Variants in KIF13B observed in about 807,000 individuals in gnomAD.
KIF13B encodes kinesin-like protein KIF13B.
Under a neutral mutation model 222.0 loss-of-function variants are expected in KIF13B, and 127 were observed. The ratio of observed to expected loss-of-function variants is 0.57; its 90% CI spans 0.50 to 0.66. The LOEUF (loss-of-function observed/expected upper bound fraction) is 0.66, where lower values mean the gene tolerates loss of function less well. Ranked by LOEUF, KIF13B falls within the 30% of genes least tolerant of loss-of-function variation. The pLI, the probability that KIF13B is intolerant of heterozygous loss-of-function variation, is 0.00. For missense variants in KIF13B, 2,173 were observed against 2,379.0 expected, an observed-to-expected ratio of 0.91 and a Z score of 1.80; for synonymous variants, 976 against 919.0, an observed-to-expected ratio of 1.06 and a Z score of -1.12.
chr8:29,185,216 T>C (rs749101646), intron 6 of KIF13B, among the ~76,000 whole-genome samples: 27 of 152,260 alleles, frequency 1.8e-4, no homozygotes, highest in Non-Finnish European at 3.5e-4. Context: ...CCTGAGTAGT[T>C]CTCACCCAAC....
Position 29,116,886 on chromosome 8 carries a change from G to C in KIF13B, c.3782C>G (p.Ala1261Gly). Residue 1261 changes from alanine to glycine, a missense_variant, in exon 31 of 40, where the codon GCT becomes GGT. Ala to Gly is a moderately conservative substitution (Grantham distance 60). Around this residue, in one of 2 missense-constraint regions of KIF13B, gnomAD observed 1,480 missense variants for 1,722.8 expected, o/e 0.86. Transcript: ENST00000524189. ...CTTGCGTAACACCAGTTGCATGTCAGCAGGGTGGCTGAGCTGGACCGTCAC... is the reference window on the plus strand; with the variant it reads ...CTTGCGTAACACCAGTTGCATGTCACCAGGGTGGCTGAGCTGGACCGTCAC... ...VRVTVQLSHP[A>G]DMQLVLRKRI... is the part of the protein sequence containing the mutation. 1.2e-6 allele frequency: 2 copies of C among 1,613,482 alleles called. No individual in the cohort carries two copies. The highest frequency in any genetic ancestry group is 1.7e-6 in the Non-Finnish European group (2 of 1,179,520).
rs748769333 is a variant in KIF13B at position 29,181,912 on chromosome 8, T to C, written c.585+7A>G. 6 of 1,605,160 alleles carry C rather than the reference T, an allele frequency of 3.7e-6. No homozygotes were observed. The highest frequency in any genetic ancestry group is 3.3e-5 in the South Asian group (3 of 90,516). On this transcript the variant is annotated splice_region_variant and intron_variant, in intron 7 of 39. Coordinates refer to ENST00000524189, the MANE Select transcript of KIF13B (RefSeq NM_015254.4). ...ATTTAAATAGTTCACATACAGGATG[T>C]TGTTACCTTGTAGCTTGTGACAGCC...
intron 2 of KIF13B, among the ~76,000 whole-genome samples, chr8:29,210,033 G>T (rs918174633): frequency 6.6e-6 from 1 of 151,728 alleles, no homozygotes. Context: ...TCCAGCTTAG[G>T]CAAGAGAGCC....
chr8:29,244,426 CA>C (rs1815930674), intron 2 of KIF13B, among the ~76,000 whole-genome samples: 1 of 128,428 alleles, frequency 7.8e-6, no homozygotes, highest in South Asian at 2.4e-4. Context: ...AGCCTCATGC[CA>C]AATGTCTTTC....
At position 29,071,210 on chromosome 8, in the gene KIF13B, C is replaced by T. The variant is rs1807255967; in HGVS notation, c.5218+410G>A. ...TATGAAATGGAAACTGGCAAAACTG[C>T]CAAATGAGGGCGAGTCAGAGGCCAG... On this transcript the variant is annotated intron_variant, in intron 39 of 39. Coordinates refer to ENST00000524189, the MANE Select transcript of KIF13B (RefSeq NM_015254.4). The surrounding 1 kb of genome is among the most constrained non-coding windows in gnomAD (Gnocchi z 4.9). Among the ~76,000 whole-genome samples the T allele has an allele frequency of 6.6e-6, 1 of 152,128 alleles. No individual in the cohort carries two copies. Among genetic ancestry groups the T allele is most frequent in the Admixed American group, 6.5e-5 (1 of 15,284 alleles).
chr8:29,133,931 T>C (rs769842050), intron 22 of KIF13B, 109 bp downstream of exon 22: 13 of 1,046,918 alleles, frequency 1.2e-5, no homozygotes, highest in Admixed American at 5.3e-5. Context: ...CTACAGAAAC[T>C]GCTCCAAGAC....
At chr8:29,114,228 G>A (rs1284360954) in intron 31 of KIF13B, among the ~76,000 whole-genome samples, 4 of 152,118 alleles carry the variant, frequency 2.6e-5, no homozygotes, top group African/African-American at 9.7e-5. Context: ...AATGGGCACC[G>A]AGCTTTCACC....
chr8:29,109,553 G>A (rs1563708662), intron 33 of KIF13B, 42 bp from the exon 34 acceptor site: 1 of 1,520,052 alleles, frequency 6.6e-7, no homozygotes, highest in Non-Finnish European at 9.1e-7. Flanking sequence ...ACATGTAAGA[G>A]ACACACTGCA....
chr8:29,144,744 A>T (rs140230711), intron 18 of KIF13B, among the ~76,000 whole-genome samples: 1 of 152,210 alleles, frequency 6.6e-6, no homozygotes, highest in African/African-American at 2.4e-5. Context: ...AAAACTGGAA[A>T]TAAGAAAAAA....
intron 2 of KIF13B, among the ~76,000 whole-genome samples, chr8:29,198,648 G>A (rs1813547615): frequency 1.3e-5 from 2 of 152,266 alleles, no homozygotes; most frequent in South Asian, 4.1e-4. Flanking sequence ...AACTTTAAAA[G>A]TAGATCAACC....
At chr8:29,235,382 G>A (rs1203365139) in intron 2 of KIF13B, among the ~76,000 whole-genome samples, 1 of 152,216 alleles carries the variant, frequency 6.6e-6, no homozygotes, top group Non-Finnish European at 1.5e-5. Context: ...ACAGAGTGGG[G>A]TGGAAGAAGA....
At chr8:29,181,396 C>A (rs971181982) in intron 7 of KIF13B, among the ~76,000 whole-genome samples, 1 of 152,208 alleles carries the variant, frequency 6.6e-6, no homozygotes, top group Non-Finnish European at 1.5e-5. Flanking sequence ...TTTTCAGACA[C>A]TGAGAATATA....
intron 37 of KIF13B, among the ~76,000 whole-genome samples, chr8:29,081,586 AAAG>A (rs1359305522): frequency 2.7e-4 from 41 of 152,350 alleles, no homozygotes; most frequent in African/African-American, 9.1e-4. Context: ...CTTTGTACAG[AAAG>A]AAGGATGGGA....
In KIF13B at chr8:29,124,017, T is replaced by C; in HGVS notation, c.3352+7A>G. The C allele has an allele frequency of 6.4e-7, 1 of 1,567,692 alleles. No homozygotes were observed. The highest frequency in any genetic ancestry group is 8.8e-7 in the Non-Finnish European group (1 of 1,139,906). On this transcript the variant is annotated splice_region_variant and intron_variant, in intron 27 of 39. Transcript: ENST00000524189. ...GGGGAGAAAAATATTCTATTTGTTT[T>C]TCCTACCACGTTTACTGACAAGCTT...
rs149213669 is a variant in KIF13B, at chr8:29,249,850, T to C, written c.56-4411A>G. 540 of 349,070 alleles carry C rather than the reference T, an allele frequency of 1.5e-3. 1 individual carries two copies. The highest frequency in any genetic ancestry group is 0.011 in the African/African-American group (514 of 46,990). 21.6% of individuals were successfully genotyped at this position (349,070 alleles called of 1,614,324 possible). A position where few individuals can be genotyped will look rare whatever the true frequency, so the allele number is the denominator to read the frequency against. The stretch of plus-strand genomic sequence containing the variant: ...GAAACACAAACCCAAAAAAGGCAAA[T>C]CTGTTCTACCATGGTCAACTGGCAT... On this transcript the variant is annotated intron_variant, in intron 1 of 39. Coordinates refer to ENST00000524189, the MANE Select transcript of KIF13B (RefSeq NM_015254.4).
At chr8:29,095,546 C>A (rs1457501604) in intron 36 of KIF13B, among the ~76,000 whole-genome samples, 1 of 152,174 alleles carries the variant, frequency 6.6e-6, no homozygotes, top group African/African-American at 2.4e-5. Context: ...GCGGGTGGAT[C>A]ACCTGAGGCC....
chr8:29,239,252 G>A (rs1424773950), intron 2 of KIF13B, among the ~76,000 whole-genome samples: 2 of 152,174 alleles, frequency 1.3e-5, no homozygotes, highest in Non-Finnish European at 2.9e-5. Context: ...TTCCTGTCAG[G>A]TTTTGGTTCT....
chr8:29,080,327 CAAAAAAAAAA>C (rs5890439), intron 37 of KIF13B, among the ~76,000 whole-genome samples: 2 of 67,152 alleles, frequency 3.0e-5, no homozygotes, highest in Admixed American at 3.8e-4. Flanking sequence ...GACCCAGTCT[CAAAAAAAAAA>C]AAAAAAAAAA....
chr8:29,231,762 TA>T (rs147391122), intron 2 of KIF13B, among the ~76,000 whole-genome samples: 3,456 of 146,782 alleles, frequency 0.024, 44 homozygotes, highest in Middle Eastern at 0.042. Context: ...TTATATCCTC[TA>T]AAAAAAAAAG....
Sources: gnomAD v4.1 joint callset for allele counts (sites outside exome capture counted in the v4.1 genomes callset) on GRCh38, gnomAD v4.1.1 for gene constraint, gnomAD v4.1.1 regional missense constraint, Gnocchi (gnomAD v3.1) non-coding constraint, MANE v1.5 for transcripts, NCBI Gene and HGNC (gene_info 2026-07-23, HGNC 2026-07-21) for gene names.